Variants in AGPS observed in about 807,000 individuals in gnomAD.
The protein encoded by AGPS is alkylglycerone phosphate synthase, also known as alkyldihydroxyacetonephosphate synthase, peroxisomal.
Under a neutral mutation model 90.7 loss-of-function variants are expected in AGPS, and 26 were observed. The observed-to-expected ratio is 0.29, with a 90% CI of 0.21 to 0.40. AGPS has a LOEUF of 0.40. Ranked by LOEUF, AGPS falls within the 10% of genes least tolerant of loss-of-function variation. The probability of loss-of-function intolerance (pLI) is 1.00; values close to 1 mark genes in which losing one functional copy is unlikely to be tolerated. For synonymous variants in AGPS, 294 were observed against 285.3 expected, an observed-to-expected ratio of 1.03 and a Z score of -0.31; for missense variants, 540 against 816.1, an observed-to-expected ratio of 0.66 and a Z score of 4.12.
At chr2:177,407,798 T>G (rs1685507331) in intron 1 of AGPS, among the ~76,000 whole-genome samples, 1 of 151,714 alleles carries the variant, frequency 6.6e-6, no homozygotes, top group Non-Finnish European at 1.5e-5. Flanking sequence ...TTTCCTTTTT[T>G]TTTTTTTTTT....
chr2:177,415,609 G>T (rs1359100081), intron 1 of AGPS, among the ~76,000 whole-genome samples: 2 of 152,192 alleles, frequency 1.3e-5, no homozygotes, highest in Admixed American at 6.5e-5. Flanking sequence ...GAAGTTTAAA[G>T]TGTTGCATGA....
intron 3 of AGPS, among the ~76,000 whole-genome samples, chr2:177,435,354 T>C (rs1686373764): frequency 6.6e-6 from 1 of 152,132 alleles, no homozygotes; most frequent in African/African-American, 2.4e-5. Flanking sequence ...ATCTTTTAAC[T>C]TTTCCTAGAC....
At chr2:177,438,246 A>C (rs1686477064) in intron 5 of AGPS, among the ~76,000 whole-genome samples, 1 of 152,100 alleles carries the variant, frequency 6.6e-6, no homozygotes, top group African/African-American at 2.4e-5. Context: ...CATTTTCTTC[A>C]TGTCTTTCAA....
chr2:177,521,865 A>G (rs909077998), intron 18 of AGPS, among the ~76,000 whole-genome samples: 2 of 152,162 alleles, frequency 1.3e-5, no homozygotes, highest in Non-Finnish European at 2.9e-5. Flanking sequence ...GTTTATTTTT[A>G]TAAAGCTTTC....
intron 1 of AGPS, among the ~76,000 whole-genome samples, chr2:177,407,811 A>T (rs1198099963): frequency 9.6e-4 from 142 of 147,644 alleles, no homozygotes; most frequent in Middle Eastern, 6.9e-3. Context: ...TTTTTTTTTA[A>T]AAAAAAGAGG....
chr2:177,497,874 A>G, intron 13 of AGPS, 109 bp downstream of exon 13: 7 of 442,854 alleles, frequency 1.6e-5, no homozygotes, highest in Non-Finnish European at 2.4e-5. Context: ...TGCTATGTAC[A>G]TTTCAGAATT....
At chr2:177,441,294 A>T in intron 6 of AGPS, 1 of 411,976 alleles carries the variant, frequency 2.4e-6, no homozygotes, top group Non-Finnish European at 4.4e-6. Context: ...TGAATAACAA[A>T]ATGTTTCTGC....
intron 19 of AGPS, among the ~76,000 whole-genome samples, chr2:177,527,637 A>G (rs1290828735): frequency 6.6e-6 from 1 of 152,104 alleles, no homozygotes; most frequent in Admixed American, 6.5e-5. Flanking sequence ...GTATCAGGTA[A>G]TAGAACAAAT....
intron 17 of AGPS, among the ~76,000 whole-genome samples, chr2:177,519,652 T>G (rs1689123334): frequency 6.6e-6 from 1 of 152,180 alleles, no homozygotes. Flanking sequence ...AGTGATTTGC[T>G]TTTTTTCTAC....
rs1371303543 is a variant in AGPS at position 177,542,482 on chromosome 2, C to T, written c.*4287C>T. 2.0e-5 allele frequency: 3 copies of T among 152,090 alleles called. No individual in the cohort carries two copies. The South Asian group carries it at 6.2e-4, about 31-fold the overall frequency. The allele number at this position is 152,090 out of a possible 1,614,324, so 9.4% of individuals were successfully genotyped here. A position where few individuals can be genotyped will look rare whatever the true frequency, so the allele number is the denominator to read the frequency against. On this transcript the variant is annotated 3_prime_UTR_variant, in exon 20 of 20. Transcript: ENST00000264167. ...AAAGAACCATCACAGAATTTAGTAA[C>T]TTTAGTTCTGTGAACATGAAAAGAT...
At chr2:177,464,100 C>A (rs1336280134) in intron 9 of AGPS, among the ~76,000 whole-genome samples, 1 of 152,026 alleles carries the variant, frequency 6.6e-6, no homozygotes, top group Non-Finnish European at 1.5e-5. Flanking sequence ...CACCACCATG[C>A]CCAGCTAATT....
chr2:177,404,738 G>A (rs1685420142), intron 1 of AGPS, among the ~76,000 whole-genome samples: 2 of 152,078 alleles, frequency 1.3e-5, no homozygotes, highest in Admixed American at 6.5e-5. Context: ...TTTCCAGATA[G>A]TATTTGTTTT....
At chr2:177,406,417 A>G (rs1685468804) in intron 1 of AGPS, among the ~76,000 whole-genome samples, 1 of 152,234 alleles carries the variant, frequency 6.6e-6, no homozygotes, top group African/African-American at 2.4e-5. Flanking sequence ...AGAGCCATAA[A>G]TTCTTGAAGA....
intron 19 of AGPS, among the ~76,000 whole-genome samples, chr2:177,533,875 A>G (rs1281333088): frequency 3.9e-5 from 6 of 152,226 alleles, no homozygotes; most frequent in African/African-American, 1.4e-4. Context: ...GAATAGTGCT[A>G]AAGAGATATC....
At chr2:177,501,590 C>G (rs914155427) in intron 14 of AGPS, among the ~76,000 whole-genome samples, 24 of 152,266 alleles carry the variant, frequency 1.6e-4, no homozygotes, top group African/African-American at 5.8e-4. Flanking sequence ...AATTACTGTG[C>G]CACCTGTAAA....
intron 11 of AGPS, among the ~76,000 whole-genome samples, chr2:177,486,518 T>C (rs906750258): frequency 6.6e-6 from 1 of 151,840 alleles, no homozygotes; most frequent in Non-Finnish European, 1.5e-5. Flanking sequence ...TTAAGATCCA[T>C]TAAAGTAGAT....
intron 9 of AGPS, among the ~76,000 whole-genome samples, chr2:177,463,439 T>C (rs1687357602): frequency 6.6e-6 from 1 of 152,216 alleles, no homozygotes; most frequent in Non-Finnish European, 1.5e-5. Context: ...AAAAGAACTT[T>C]AATTTGAGAC....
At position 177,483,075 on chromosome 2, in the gene AGPS, T is replaced by C. The variant is rs186746826; in HGVS notation, c.1233+889T>C. On this transcript the variant is annotated intron_variant, in intron 11 of 19. Transcript: ENST00000264167. Reference sequence around the variant, plus strand: ...GAGTTTTTGATGTGACCCATATAGGTCAGCTTCCTGATATCCAGAGCAGTG... The same window carrying C: ...GAGTTTTTGATGTGACCCATATAGGCCAGCTTCCTGATATCCAGAGCAGTG... 2.5e-3 allele frequency among the ~76,000 whole-genome samples: 380 copies of C among 152,172 alleles called. 4 individuals carry two copies. Among genetic ancestry groups the C allele is most frequent in the African/African-American group, 8.7e-3 (362 of 41,526 alleles).
At chr2:177,472,124 T>G (rs898232681) in intron 10 of AGPS, among the ~76,000 whole-genome samples, 2 of 151,854 alleles carry the variant, frequency 1.3e-5, no homozygotes, top group Non-Finnish European at 2.9e-5. Context: ...AGGGTTTTTT[T>G]TTTCATTGTT....
Sources: allele counts gnomAD v4.1 joint callset (sites outside exome capture counted in the v4.1 genomes callset), GRCh38; gene constraint gnomAD v4.1.1; transcripts MANE v1.5; gene names NCBI Gene and HGNC (gene_info 2026-07-23, HGNC 2026-07-21).